ERGIC3: variants seen among roughly 807,000 people sequenced by gnomAD.
The protein encoded by ERGIC3 is endoplasmic reticulum-Golgi intermediate compartment protein 3.
Under a neutral mutation model 54.7 loss-of-function variants are expected in ERGIC3, and 33 were observed. That is an observed-to-expected ratio of 0.60 (90% CI 0.46 to 0.81). The LOEUF (loss-of-function observed/expected upper bound fraction) is 0.81. Ranked by LOEUF, ERGIC3 falls within the 30% of genes least tolerant of loss-of-function variation. ERGIC3 has a pLI of 0.00. For synonymous variants in ERGIC3, 186 were observed against 189.8 expected, an observed-to-expected ratio of 0.98 and a Z score of 0.16; for missense variants, 399 against 488.4, an observed-to-expected ratio of 0.82 and a Z score of 1.73.
intron 7 of ERGIC3, chr20:35,549,183 A>G (rs1178785680): frequency 4.1e-6 from 2 of 490,778 alleles, no homozygotes; most frequent in Admixed American, 4.6e-5. Context: ...CAGGTTAAAG[A>G]TGATAGCACG....
rs2064681936 is a variant in ERGIC3, at chr20:35,551,530, T to A, written c.685+2665T>A. 2.6e-5 allele frequency among the ~76,000 whole-genome samples: 4 copies of A among 152,068 alleles called. No homozygotes were observed. In the South Asian group the frequency reaches 8.3e-4, roughly 32 times the overall value. On this transcript the variant is annotated intron_variant, in intron 7 of 12. Transcript: ENST00000348547. ...TGCAGATGTTGGCATCATCAGCATG[T>A]GTATAGAGCTGTGGGACTGGATGAA...
At chr20:35,554,253 A>G in intron 7 of ERGIC3, 2 of 1,347,078 alleles carry the variant, frequency 1.5e-6, no homozygotes, top group Non-Finnish European at 2.1e-6. Flanking sequence ...AGCTGGGGCC[A>G]GACTGTGTTG....
intron 7 of ERGIC3, among the ~76,000 whole-genome samples, chr20:35,552,720 G>A (rs950404346): frequency 6.6e-6 from 1 of 152,166 alleles, no homozygotes; most frequent in Non-Finnish European, 1.5e-5. Context: ...AGTCACAGAA[G>A]GGGCTTTGTT....
chr20:35,543,888 A>G, intron 4 of ERGIC3: 1 of 335,176 alleles, frequency 3.0e-6, no homozygotes, highest in African/African-American at 2.1e-5. Flanking sequence ...GTTTGATACA[A>G]TAAAAATGTG....
intron 1 of ERGIC3, 50 bp from the exon 2 acceptor site, chr20:35,542,273 C>T: frequency 6.2e-7 from 1 of 1,613,526 alleles, no homozygotes; most frequent in Non-Finnish European, 8.5e-7. Flanking sequence ...CTGCCGGTGT[C>T]TGAGGGAGCG....
At position 35,547,447 on chromosome 20, in the gene ERGIC3, G is replaced by T. The variant is rs1283571208; in HGVS notation, c.403G>T (p.Asp135Tyr). ...AGTCGAGGTGACGGTGTTTGACCCT[G>T]ACTCCCTGGACCCTGATCGCTGTGA... ...GKVEVTVFDP[D>Y]SLDPDRCESC... Residue 135 changes from aspartate (D) to tyrosine (Y), a missense_variant, in exon 5 of 13, where the codon GAC (aspartate) becomes TAC (tyrosine). By Grantham distance (160) the Asp-to-Tyr change is radical (BLOSUM62 -3). Coordinates refer to ENST00000348547, the MANE Select transcript of ERGIC3 (RefSeq NM_015966.3). 4 of 1,614,012 alleles carry T rather than the reference G, an allele frequency of 2.5e-6. No individual in the cohort carries two copies. The highest frequency in any genetic ancestry group is 1.3e-5 in the African/African-American group (1 of 74,910).
intron 4 of ERGIC3, chr20:35,545,001 C>G (rs888814261): frequency 6.6e-6 from 1 of 152,114 alleles, no homozygotes; most frequent in Non-Finnish European, 1.5e-5. Context: ...CAGGGTTTCA[C>G]CATCGTGGCC....
At chr20:35,545,878 A>C (rs995503272) in intron 4 of ERGIC3, among the ~76,000 whole-genome samples, 15 of 152,298 alleles carry the variant, frequency 9.8e-5, no homozygotes, top group South Asian at 2.1e-4. Flanking sequence ...AATTTAGAGG[A>C]GTTATCAGCA....
At chr20:35,544,390 A>G (rs2064636025) in intron 4 of ERGIC3, 2 of 286,668 alleles carry the variant, frequency 7.0e-6, no homozygotes, top group South Asian at 6.8e-5. Flanking sequence ...TTTTTCTGTC[A>G]AGGTGTTCTT....
In ERGIC3 at chr20:35,553,020, A is replaced by ATTTTTTTTTTTTTTTTTTTTT. The variant is rs141438822; in HGVS notation, c.686-2016_686-1996dup. On this transcript the variant is annotated intron_variant, in intron 7 of 12. Transcript: ENST00000348547. ...TTTGCCCTGAGCTTCAAAGCTGGGG[A>ATTTTTTTTTTTTTTTTTTTTT]TTTTTTTTTTTTTTTTTTTTTTTTT... Among the ~76,000 whole-genome samples the ATTTTTTTTTTTTTTTTTTTTT allele has an allele frequency of 1.8e-3, 73 of 41,558 alleles. 27 individuals are homozygous for ATTTTTTTTTTTTTTTTTTTTT. Among genetic ancestry groups the ATTTTTTTTTTTTTTTTTTTTT allele is most frequent in the East Asian group, 3.5e-3 (4 of 1,150 alleles). 27.3% of individuals were successfully genotyped at this position (41,558 alleles called of 152,430 possible). A position where few individuals can be genotyped will look rare whatever the true frequency, so the allele number is the denominator to read the frequency against.
intron 10 of ERGIC3, chr20:35,556,716 C>T (rs1030255012): frequency 1.0e-4 from 57 of 568,508 alleles, no homozygotes; most frequent in Middle Eastern, 9.6e-4. Flanking sequence ...CCTGGACCCC[C>T]GTGAGAACAC....
chr20:35,553,194 G>A (rs2064691474), intron 7 of ERGIC3, among the ~76,000 whole-genome samples: 1 of 109,922 alleles, frequency 9.1e-6, no homozygotes. Context: ...TTTTTGCAGA[G>A]ACAGGGTCTT....
Position 35,548,833 on chromosome 20 carries a change from C to T in ERGIC3, c.653C>T (p.Pro218Leu), listed in dbSNP as rs775543043. 1.2e-5 allele frequency: 19 copies of T among 1,614,220 alleles called. No homozygotes were observed. Among genetic ancestry groups the T allele is most frequent in the Non-Finnish European group, 1.6e-5 (19 of 1,180,040 alleles). The change falls in exon 7 of 13, where the codon CCT becomes CTT. Residue 218 changes from proline (P) to leucine (L), a missense_variant. By Grantham distance (98) the Pro-to-Leu change is moderately conservative. Coordinates refer to ENST00000348547, the MANE Select transcript of ERGIC3 (RefSeq NM_015966.3). The stretch of plus-strand genomic sequence containing the variant: ...GTGGCCGGAAACTTCCACTTTGCCC[C>T]TGGGAAGAGCTTCCAGCAGTCCCAT... ...NKVAGNFHFA[P>L]GKSFQQSHVH...
At chr20:35,551,507 C>G (rs892394548) in intron 7 of ERGIC3, among the ~76,000 whole-genome samples, 1 of 152,236 alleles carries the variant, frequency 6.6e-6, no homozygotes, top group African/African-American at 2.4e-5. Flanking sequence ...CCTGGAGATG[C>G]AGATGTTGGC....
intron 7 of ERGIC3, among the ~76,000 whole-genome samples, chr20:35,552,022 C>T (rs2147308287): frequency 6.6e-6 from 1 of 152,226 alleles, no homozygotes; most frequent in East Asian, 1.9e-4. Flanking sequence ...GACTAAAGAG[C>T]ATAAGTGATG....
At position 35,542,089 on chromosome 20, in the gene ERGIC3, C is replaced by G. The variant is rs201142338; in HGVS notation, c.-9C>G. 2 of 1,525,496 alleles carry G rather than the reference C, an allele frequency of 1.3e-6. No individual in the cohort carries two copies. Among genetic ancestry groups the G allele is most frequent in the Middle Eastern group, 1.8e-4 (1 of 5,432 alleles). The allele number at this position is 1,525,496 out of a possible 1,614,324, so 94.5% of individuals were successfully genotyped here. On this transcript the variant is annotated 5_prime_UTR_variant, in exon 1 of 13. Transcript: ENST00000348547. ...GGGCCGGCTGGCGTCCCCTTTCCGG[C>G]CGGTCCCCATGGAGGCGCTGGGGAA... is the stretch of plus-strand genomic sequence containing the variant.
At position 35,555,034 on chromosome 20, in the gene ERGIC3, T is replaced by C; in HGVS notation, c.686-10T>C. The C allele has an allele frequency of 6.2e-7, 1 of 1,613,190 alleles. No homozygotes were observed. The highest frequency in any genetic ancestry group is 8.5e-7 in the Non-Finnish European group (1 of 1,179,898). ...ACGCCTTCTCCCTTGCCTTCTCCCT[T>C]CTCTCCTAGTCCATGACTTGCAGAG... On this transcript the variant is annotated splice_polypyrimidine_tract_variant and intron_variant, in intron 7 of 12. Coordinates refer to ENST00000348547, the MANE Select transcript of ERGIC3 (RefSeq NM_015966.3).
At position 35,556,267 on chromosome 20, in the gene ERGIC3, GA is replaced by G. The variant is rs1216259735; in HGVS notation, c.876del (p.Glu293ArgfsTer3). ...VVPTVYMKVD[G>X]EVLRTNQFSV... ...CCCACTGTGTACATGAAGGTGGACG[GA>G]GAGGTGAGTCAGGGAGCTCCCTACC... On this transcript the variant is annotated frameshift_variant, in exon 10 of 13. Coordinates refer to ENST00000348547, the MANE Select transcript of ERGIC3 (RefSeq NM_015966.3). LOFTEE classifies it high-confidence loss of function. 2.5e-6 allele frequency: 4 copies of G among 1,614,118 alleles called. No individual in the cohort carries two copies. Among genetic ancestry groups the G allele is most frequent in the Non-Finnish European group, 3.4e-6 (4 of 1,180,028 alleles).
At chr20:35,552,319 G>T (rs2064686073) in intron 7 of ERGIC3, among the ~76,000 whole-genome samples, 1 of 152,178 alleles carries the variant, frequency 6.6e-6, no homozygotes, top group Non-Finnish European at 1.5e-5. Flanking sequence ...TGGTCACTTG[G>T]GGGTGGAAGA....
Sources: gnomAD v4.1 joint callset for allele counts (sites outside exome capture counted in the v4.1 genomes callset) on GRCh38, gnomAD v4.1.1 for gene constraint, MANE v1.5 for transcripts, NCBI Gene and HGNC (gene_info 2026-07-23, HGNC 2026-07-21) for gene names.